SNX13: variants seen among roughly 807,000 people sequenced by gnomAD.
SNX13 encodes the protein sorting nexin-13.
Under a neutral mutation model 133.6 loss-of-function variants are expected in SNX13, and 45 were observed. The observed-to-expected ratio is 0.34, with a 90% CI of 0.27 to 0.43. The LOEUF is 0.43. Among genes scored for constraint, SNX13 ranks in the 20% least tolerant of loss-of-function variants. SNX13 has a pLI of 1.00. For synonymous variants in SNX13, 414 were observed against 373.9 expected, an observed-to-expected ratio of 1.11 and a Z score of -1.24; for missense variants, 1,032 against 1,145.1, an observed-to-expected ratio of 0.90 and a Z score of 1.43.
At chr7:17,866,020 G>A (rs886526671) in intron 9 of SNX13, among the ~76,000 whole-genome samples, 4 of 152,146 alleles carry the variant, frequency 2.6e-5, no homozygotes, top group Non-Finnish European at 5.9e-5. Context: ...AATCTAAGAT[G>A]TGAAACTATA....
intron 11 of SNX13, among the ~76,000 whole-genome samples, chr7:17,845,955 T>C (rs967123480): frequency 2.6e-5 from 4 of 152,180 alleles, no homozygotes; most frequent in South Asian, 2.1e-4. Flanking sequence ...GAAATCACTA[T>C]ATTTTCAATT....
At chr7:17,888,748 A>G (rs1481788600) in intron 5 of SNX13, 1 of 470,634 alleles carries the variant, frequency 2.1e-6, no homozygotes, top group African/African-American at 2.0e-5. Context: ...TATGCCCAAA[A>G]TATTAGTTGA....
chr7:17,839,827 C>T lies in SNX13; in HGVS notation c.1339G>A (p.Glu447Lys). ...LLRAAAVGIY[E>K]QYLSEKASPR... Reference sequence around the variant, plus strand: ...CTCACCTTTTCTGATAAATACTGTTCATAAATTCCAACAGCAGCTGCTCTT... The same window carrying T: ...CTCACCTTTTCTGATAAATACTGTTTATAAATTCCAACAGCAGCTGCTCTT... Residue 447 changes from glutamate to lysine, a missense_variant, in exon 13 of 26, where the codon GAA (glutamate) becomes AAA (lysine). By Grantham distance (56) the Glu-to-Lys change is moderately conservative. Coordinates refer to ENST00000428135, the MANE Select transcript of SNX13 (RefSeq NM_015132.5). 2 of 1,609,650 alleles carry T rather than the reference C, an allele frequency of 1.2e-6. No homozygotes were observed. The highest frequency in any genetic ancestry group is 1.7e-6 in the Non-Finnish European group (2 of 1,177,500).
At chr7:17,859,208 T>C (rs1251643027) in intron 9 of SNX13, among the ~76,000 whole-genome samples, 3 of 152,074 alleles carry the variant, frequency 2.0e-5, no homozygotes, top group African/African-American at 7.2e-5. Context: ...GATAAAGAAC[T>C]TCTATGTAGA....
chr7:17,930,206 A>G (rs1801239099), intron 1 of SNX13, among the ~76,000 whole-genome samples: 1 of 152,206 alleles, frequency 6.6e-6, no homozygotes, highest in African/African-American at 2.4e-5. Flanking sequence ...AATACTTGCA[A>G]CAACCCTATG....
chr7:17,866,282 ACAACT>A (rs1793386367), intron 9 of SNX13, among the ~76,000 whole-genome samples: 1 of 151,970 alleles, frequency 6.6e-6, no homozygotes, highest in South Asian at 2.1e-4. Flanking sequence ...AGGAACTCAA[ACAACT>A]CAATAGGAAA....
At position 17,830,025 on chromosome 7, in the gene SNX13, T is replaced by C; in HGVS notation, c.1620A>G (p.Thr540=). ...GDGESFNGSP[T]GSINLSLDDL... is the part of the protein sequence containing the mutation. The stretch of plus-strand genomic sequence containing the variant: ...TAGTACTTACCAAATTTATGCTTCC[T>C]GTAGGAGACCCATTAAAAGATTCTG... Residue 540 remains threonine (T), a synonymous_variant, in exon 16 of 26, where the codon ACA becomes ACG. Transcript: ENST00000428135. 6.5e-7 allele frequency: 1 copy of C among 1,535,940 alleles called. No homozygotes were observed.
In SNX13 at chr7:17,791,213, G is replaced by C. The variant is rs1210325964; in HGVS notation, c.*2832C>G. On this transcript the variant is annotated 3_prime_UTR_variant, in exon 26 of 26. Coordinates refer to ENST00000428135, the MANE Select transcript of SNX13 (RefSeq NM_015132.5). Reference sequence around the variant, plus strand: ...TTACTCAAATACACATGCATTAAATGAAAATATTGCACAAAATTAAAATTT... The same window carrying C: ...TTACTCAAATACACATGCATTAAATCAAAATATTGCACAAAATTAAAATTT... The C allele has an allele frequency of 6.6e-6, 1 of 151,870 alleles. No individual in the cohort carries two copies. The highest frequency in any genetic ancestry group is 1.5e-5 in the Non-Finnish European group (1 of 67,874). The allele number at this position is 151,870 out of a possible 1,614,324, so 9.4% of individuals were successfully genotyped here.
At chr7:17,815,392 G>A (rs551226378) in intron 19 of SNX13, among the ~76,000 whole-genome samples, 3 of 152,086 alleles carry the variant, frequency 2.0e-5, no homozygotes, top group South Asian at 2.1e-4. Context: ...AGACCAGCCC[G>A]GGCAACAAAG....
At position 17,821,690 on chromosome 7, in the gene SNX13, T is replaced by A. The variant is rs750653269; in HGVS notation, c.1706-42A>T. On this transcript the variant is annotated intron_variant, in intron 17 of 25. Coordinates refer to ENST00000428135, the MANE Select transcript of SNX13 (RefSeq NM_015132.5). ...GTCATAGTCAGCATATACTAATCAT[T>A]TAAAACAAAATGAAGAGGAACGAAA... is the stretch of plus-strand genomic sequence containing the variant. 211 of 1,526,404 alleles carry A rather than the reference T, an allele frequency of 1.4e-4. 2 individuals carry two copies. The South Asian group carries it at 2.2e-3, about 16-fold the overall frequency. The allele number at this position is 1,526,404 out of a possible 1,614,324, so 94.6% of individuals were successfully genotyped here.
intron 5 of SNX13, chr7:17,879,601 A>G (rs1260900961): frequency 6.6e-6 from 1 of 152,208 alleles, no homozygotes; most frequent in African/African-American, 2.4e-5. Context: ...TCCCATGGCT[A>G]CTTAATGCCA....
chr7:17,809,051 A>G (rs1460085411), intron 20 of SNX13, among the ~76,000 whole-genome samples: 1 of 152,116 alleles, frequency 6.6e-6, no homozygotes, highest in Non-Finnish European at 1.5e-5. Context: ...GCATTAACTA[A>G]CGAGCAAAAT....
chr7:17,875,107 G>A (rs780900802), intron 7 of SNX13, among the ~76,000 whole-genome samples: 17 of 151,918 alleles, frequency 1.1e-4, no homozygotes, highest in Non-Finnish European at 1.5e-4. Context: ...CCCAGGCTCC[G>A]GTGATTCTCC....
intron 1 of SNX13, among the ~76,000 whole-genome samples, chr7:17,922,897 T>A (rs1465068174): frequency 2.6e-5 from 4 of 152,196 alleles, no homozygotes; most frequent in Non-Finnish European, 5.9e-5. Context: ...ATGCAGACTG[T>A]TTTTAAAATG....
At chr7:17,852,394 AAG>A (rs1019294752) in intron 9 of SNX13, among the ~76,000 whole-genome samples, 3 of 152,126 alleles carry the variant, frequency 2.0e-5, no homozygotes, top group Non-Finnish European at 2.9e-5. Context: ...AAAAGAAAAA[AAG>A]AGAGGGGAGG....
chr7:17,838,735 T>C (rs1789470764), intron 13 of SNX13, among the ~76,000 whole-genome samples: 1 of 151,874 alleles, frequency 6.6e-6, no homozygotes, highest in Admixed American at 6.6e-5. Flanking sequence ...ATATGTTGTT[T>C]AATTTTCAAT....
chr7:17,803,669 C>CCTG, intron 20 of SNX13, 89 bp from the exon 21 acceptor site: 1 of 1,139,098 alleles, frequency 8.8e-7, no homozygotes, highest in Non-Finnish European at 1.2e-6. Context: ...GAGTGCAACA[C>CCTG]TGGAAAGATG....
intron 13 of SNX13, among the ~76,000 whole-genome samples, chr7:17,838,169 C>T (rs1231849945): frequency 6.6e-6 from 1 of 151,854 alleles, no homozygotes; most frequent in Non-Finnish European, 1.5e-5. Flanking sequence ...AGAATCAGAC[C>T]TTATTAAGCA....
chr7:17,826,803 T>C (rs991828864), intron 16 of SNX13, among the ~76,000 whole-genome samples: 1 of 152,080 alleles, frequency 6.6e-6, no homozygotes, highest in Non-Finnish European at 1.5e-5. Context: ...TTTTGCCACA[T>C]ACACATATAT....
Sources: gnomAD v4.1 joint callset for allele counts (sites outside exome capture counted in the v4.1 genomes callset) on GRCh38, gnomAD v4.1.1 for gene constraint, MANE v1.5 for transcripts, NCBI Gene and HGNC (gene_info 2026-07-23, HGNC 2026-07-21) for gene names.